The following FUT8 variants were observed in gnomAD, a reference collection of about 807,000 sequenced individuals.
FUT8 encodes the protein alpha-(1,6)-fucosyltransferase.
FUT8 carries 29 observed loss-of-function variants against 71.3 expected under a neutral mutation model. The ratio of observed to expected loss-of-function variants is 0.41; its 90% CI spans 0.30 to 0.55. FUT8 has a LOEUF of 0.55. Among genes scored for constraint, FUT8 ranks in the 20% least tolerant of loss-of-function variants. FUT8 has a pLI of 0.34. For missense variants in FUT8, 544 were observed against 702.1 expected, an observed-to-expected ratio of 0.77 and a Z score of 2.55; for synonymous variants, 254 against 239.3, an observed-to-expected ratio of 1.06 and a Z score of -0.57.
the FUT8 span, among the ~76,000 whole-genome samples, chr14:65,365,933 G>A: frequency 1.3e-5 from 2 of 152,104 alleles, no homozygotes. Flanking sequence ...TGCCTCCTGG[G>A]TTCAAGCAAT....
At chr14:65,666,986 C>T (rs1053041762) in intron 6 of FUT8, among the ~76,000 whole-genome samples, 2 of 152,024 alleles carry the variant, frequency 1.3e-5, no homozygotes, top group African/African-American at 4.8e-5. Context: ...TGTTAAAAAT[C>T]CTCAACAGAC....
At chr14:65,474,237 A>C (rs1029541607) in intron 2 of FUT8, among the ~76,000 whole-genome samples, 1 of 151,532 alleles carries the variant, frequency 6.6e-6, no homozygotes, top group African/African-American at 2.4e-5. Context: ...CTCAGACTTC[A>C]CCACTATACA....
At chr14:65,519,990 G>T (rs1320162390) in intron 2 of FUT8, among the ~76,000 whole-genome samples, 1 of 152,060 alleles carries the variant, frequency 6.6e-6, no homozygotes, top group Non-Finnish European at 1.5e-5. Flanking sequence ...TGTTGCCCAG[G>T]CTGGTCTCAG....
chr14:65,688,760 T>C (rs1893428899), intron 7 of FUT8, among the ~76,000 whole-genome samples: 4 of 152,326 alleles, frequency 2.6e-5, no homozygotes, highest in Admixed American at 2.6e-4. Context: ...GGCAAAACTA[T>C]GTTTAGCTTT....
At chr14:65,647,017 T>C (rs1031417262) in intron 6 of FUT8, among the ~76,000 whole-genome samples, 13 of 152,232 alleles carry the variant, frequency 8.5e-5, no homozygotes, top group African/African-American at 2.9e-4. Flanking sequence ...CCAATTGTGA[T>C]AAGTAATTTA....
At chr14:65,736,399 G>A (rs146881106) in intron 10 of FUT8, among the ~76,000 whole-genome samples, 11 of 151,346 alleles carry the variant, frequency 7.3e-5, no homozygotes, top group Non-Finnish European at 1.5e-4. Flanking sequence ...AGCATGAAAC[G>A]AGCTAGTCAA....
chr14:65,625,283 A>T (rs1411360925), intron 5 of FUT8, among the ~76,000 whole-genome samples: 1 of 152,146 alleles, frequency 6.6e-6, no homozygotes, highest in Non-Finnish European at 1.5e-5. Context: ...GCCGAGCCCT[A>T]TAGCCCTATT....
At chr14:65,430,341 T>C (rs1400462250) in intron 1 of FUT8, 1 of 152,146 alleles carries the variant, frequency 6.6e-6, no homozygotes, top group African/African-American at 2.4e-5. Context: ...GAATGTTCTT[T>C]TGAAAATGTG....
At chr14:65,530,696 A>G (rs1020832623) in intron 2 of FUT8, among the ~76,000 whole-genome samples, 36 of 152,130 alleles carry the variant, frequency 2.4e-4, no homozygotes, top group African/African-American at 6.0e-4. Context: ...TAAAGTTGAT[A>G]TAACTCTAAT....
At chr14:65,423,002 T>TC (rs751064250) in intron 1 of FUT8, among the ~76,000 whole-genome samples, 1,618 of 143,642 alleles carry the variant, frequency 0.011, 14 homozygotes, top group South Asian at 0.021. Flanking sequence ...TTTTTTTTTT[T>TC]CGAGACTGAG....
chr14:65,421,404 TGTA>T (rs2065292715), intron 1 of FUT8, among the ~76,000 whole-genome samples: 1 of 152,008 alleles, frequency 6.6e-6, no homozygotes, highest in South Asian at 2.1e-4. Flanking sequence ...GCACACATGG[TGTA>T]ACTTTATGGC....
chr14:65,722,083 C>T (rs1895446705), intron 8 of FUT8, 62 bp downstream of exon 8: 1 of 1,565,250 alleles, frequency 6.4e-7, no homozygotes, highest in South Asian at 1.2e-5. Context: ...TGTATCTTTA[C>T]AATATATTGT....
intron 6 of FUT8, among the ~76,000 whole-genome samples, chr14:65,641,589 C>G (rs1176259121): frequency 2.0e-5 from 3 of 152,072 alleles, no homozygotes; most frequent in Non-Finnish European, 2.9e-5. Flanking sequence ...ACTGTTTGAA[C>G]TGTTTACAAA....
In FUT8 at chr14:65,584,218, G is replaced by A. The variant is rs563227744; in HGVS notation, c.203+22452G>A. Among the ~76,000 whole-genome samples, 4 of 142,512 alleles carry A rather than the reference G, an allele frequency of 2.8e-5. No individual in the cohort carries two copies. In the South Asian group the frequency reaches 6.6e-4, roughly 24 times the overall value. 93.5% of individuals were successfully genotyped at this position (142,512 alleles called of 152,430 possible). ...TTTGAGACAGAGTTTCACTCTTGTC[G>A]CCCAAGCTGGAGTGCAGTGGTGCGA... On this transcript the variant is annotated intron_variant, in intron 3 of 10. Transcript: ENST00000673929.
chr14:65,668,690 A>G lies in FUT8; in HGVS notation c.598-553A>G, dbSNP rs554362784. Among the ~76,000 whole-genome samples, 4 of 152,348 alleles carry G rather than the reference A, an allele frequency of 2.6e-5. No individual in the cohort carries two copies. In the East Asian group the frequency reaches 7.7e-4, roughly 29 times the overall value. On this transcript the variant is annotated intron_variant, in intron 6 of 10. Transcript: ENST00000673929. ...ATCCCGTTTTTGGGTATATAACCAA[A>G]GGAATATAAATCATTCTGCTATAAA...
rs1885255461 is a variant in FUT8, at chr14:65,551,050, T to C, written c.-227-10287T>C. 3.3e-5 allele frequency among the ~76,000 whole-genome samples: 5 copies of C among 152,204 alleles called. 1 individual carries two copies. In the South Asian group the frequency reaches 1.0e-3, roughly 31 times the overall value. ...TTGATATATAATGCCGTATTACCCT[T>C]TGCATAGGGTACACATATTTTTATT... On this transcript the variant is annotated intron_variant, in intron 2 of 10. Coordinates refer to ENST00000673929, the MANE Select transcript of FUT8 (RefSeq NM_001371533.1).
the FUT8 span, among the ~76,000 whole-genome samples, chr14:65,376,103 AT>A: frequency 2.1e-4 from 32 of 151,586 alleles, no homozygotes; most frequent in African/African-American, 5.8e-4. Flanking sequence ...AAAAAAAAAA[AT>A]AATAAAATAA....
At chr14:65,738,683 C>T (rs962247075) in intron 10 of FUT8, among the ~76,000 whole-genome samples, 1 of 151,986 alleles carries the variant, frequency 6.6e-6, no homozygotes, top group Non-Finnish European at 1.5e-5. Flanking sequence ...ACTTTTAAAC[C>T]ACGTGGTAGG....
At chr14:65,556,677 C>T (rs867946319) in intron 2 of FUT8, among the ~76,000 whole-genome samples, 9 of 152,220 alleles carry the variant, frequency 5.9e-5, no homozygotes, top group South Asian at 2.1e-4. Flanking sequence ...GAATAGTGGA[C>T]GCAGAGATAG....
Sources: allele counts gnomAD v4.1 joint callset (sites outside exome capture counted in the v4.1 genomes callset), GRCh38; gene constraint gnomAD v4.1.1; transcripts MANE v1.5; gene names NCBI Gene and HGNC (gene_info 2026-07-23, HGNC 2026-07-21).